Variants in ABCB7 observed in about 807,000 individuals in gnomAD.
ABCB7 encodes the protein ATP binding cassette subfamily B member 7.
ABCB7 carries 7 observed loss-of-function variants against 54.4 expected under a neutral mutation model. The observed-to-expected ratio is 0.13, with a 90% confidence interval of 0.07 to 0.24. ABCB7 has a LOEUF of 0.24. Ranked by LOEUF, ABCB7 falls within the 10% of genes least tolerant of loss-of-function variation. The pLI, the probability that ABCB7 is intolerant of heterozygous loss-of-function variation, is 1.00. For synonymous variants in ABCB7, 218 were observed against 207.1 expected (o/e 1.05, Z -0.45); for missense variants, 356 against 570.4 (o/e 0.62, Z 3.83).
At chrX:75,089,120 C>T (rs1445096446) in intron 4 of ABCB7, among the ~76,000 whole-genome samples, 1 of 110,810 alleles carries the variant, frequency 9.0e-6, no homozygotes, top group Admixed American at 9.6e-5. Flanking sequence ...AAAACATACA[C>T]TCTCTACAAA....
At chrX:75,129,592 T>C (rs2147551412) in intron 1 of ABCB7, among the ~76,000 whole-genome samples, 1 of 107,112 alleles carries the variant, frequency 9.3e-6, no homozygotes, top group South Asian at 4.1e-4. Flanking sequence ...ACTTAAAGTA[T>C]AATAAATATA....
Position 75,053,176 on chromosome X carries a change from T to G in ABCB7, c.*194A>C. On this transcript the variant is annotated 3_prime_UTR_variant, in exon 16 of 16. Coordinates refer to ENST00000373394, the MANE Select transcript of ABCB7 (RefSeq NM_001271696.3). Reference sequence around the variant, plus strand: ...CACAACCAGGACAGTGACAAGAAAATAATTTGGGGATAAATACAGATGCCA... The same window carrying G: ...CACAACCAGGACAGTGACAAGAAAAGAATTTGGGGATAAATACAGATGCCA... 1 of 584,540 alleles carries G rather than the reference T, an allele frequency of 1.7e-6. No individual in the cohort carries two copies. Among genetic ancestry groups the G allele is most frequent in the Admixed American group, 4.0e-5 (1 of 25,105 alleles). The allele number at this position is 584,540 out of a possible 1,213,427, so 48.2% of individuals were successfully genotyped here. A position where few individuals can be genotyped will look rare whatever the true frequency, so the allele number is the denominator to read the frequency against.
intron 15 of ABCB7, among the ~76,000 whole-genome samples, chrX:75,057,436 G>A (rs1196679709): frequency 9.4e-6 from 1 of 106,661 alleles, no homozygotes; most frequent in Non-Finnish European, 1.9e-5. Context: ...TGTCCAGGCT[G>A]GTCTCCACCT....
chrX:75,068,558 T>C (rs2147461022), intron 12 of ABCB7, among the ~76,000 whole-genome samples: 1 of 112,476 alleles, frequency 8.9e-6, no homozygotes, highest in Non-Finnish European at 1.9e-5. Flanking sequence ...TTATTATAAA[T>C]CTACTATGTT....
At chrX:75,055,565 A>AC (rs1255504353) in intron 15 of ABCB7, among the ~76,000 whole-genome samples, 1 of 105,048 alleles carries the variant, frequency 9.5e-6, no homozygotes, top group Non-Finnish European at 1.9e-5. Flanking sequence ...AAAAAAAAAA[A>AC]AAAAAAAAAA....
At chrX:75,108,928 T>C (rs1056477131) in intron 3 of ABCB7, among the ~76,000 whole-genome samples, 3 of 112,168 alleles carry the variant, frequency 2.7e-5, no homozygotes, top group Non-Finnish European at 3.8e-5. Context: ...CTGACAGATT[T>C]TTAAATATTT....
At chrX:75,149,283 T>C (rs1415697436) in intron 1 of ABCB7, among the ~76,000 whole-genome samples, 7 of 112,238 alleles carry the variant, frequency 6.2e-5, no homozygotes, top group Admixed American at 4.7e-4. Flanking sequence ...CAAAGAATGT[T>C]ATCCTGTAAG....
At chrX:75,132,653 T>C (rs1466006656) in intron 1 of ABCB7, among the ~76,000 whole-genome samples, 1 of 112,451 alleles carries the variant, frequency 8.9e-6, no homozygotes, top group Non-Finnish European at 1.9e-5. Context: ...ACAGAGGAAC[T>C]GCACAGCTGA....
At chrX:75,130,085 T>G (rs2081964342) in intron 1 of ABCB7, among the ~76,000 whole-genome samples, 1 of 111,868 alleles carries the variant, frequency 8.9e-6, no homozygotes. Context: ...CTGACAATAT[T>G]AGCAATGTCA....
At chrX:75,090,251 G>A (rs2081533643) in intron 4 of ABCB7, among the ~76,000 whole-genome samples, 1 of 107,760 alleles carries the variant, frequency 9.3e-6, no homozygotes, top group Admixed American at 9.9e-5. Flanking sequence ...ATGACACCCT[G>A]GGCCATAAAA....
chrX:75,094,700 T>C (rs1041651747), intron 4 of ABCB7, among the ~76,000 whole-genome samples: 1 of 109,984 alleles, frequency 9.1e-6, no homozygotes, highest in Non-Finnish European at 1.9e-5. Flanking sequence ...GCAACAAGAG[T>C]GAAACTCCAT....
At chrX:75,104,741 C>T (rs967448897) in intron 3 of ABCB7, among the ~76,000 whole-genome samples, 1 of 110,526 alleles carries the variant, frequency 9.0e-6, no homozygotes, top group African/African-American at 3.3e-5. Context: ...GGAAACAACC[C>T]AAAACAAAAC....
chrX:75,108,930 T>A (rs2081731378), intron 3 of ABCB7, among the ~76,000 whole-genome samples: 1 of 112,240 alleles, frequency 8.9e-6, no homozygotes, highest in Non-Finnish European at 1.9e-5. Flanking sequence ...GACAGATTTT[T>A]AAATATTTAC....
rs182884147 is a variant in ABCB7, at chrX:75,093,674, G to A, written c.453+5268C>T. Among the ~76,000 whole-genome samples, 9 of 108,082 alleles carry A rather than the reference G, an allele frequency of 8.3e-5. No individual in the cohort carries two copies. The East Asian group carries it at 2.4e-3, about 28-fold the overall frequency. The allele number at this position is 108,082 out of a possible 115,157, so 93.9% of individuals were successfully genotyped here. A position where few individuals can be genotyped will look rare whatever the true frequency, so the allele number is the denominator to read the frequency against. On this transcript the variant is annotated intron_variant, in intron 4 of 15. Coordinates refer to ENST00000373394, the MANE Select transcript of ABCB7 (RefSeq NM_001271696.3). Reference sequence around the variant, plus strand: ...TTAATAACAGAAGAAACTGCATTCTGGAGAAAAAAAGGGGGTATATATAAG... The same window carrying A: ...TTAATAACAGAAGAAACTGCATTCTAGAGAAAAAAAGGGGGTATATATAAG...
At chrX:75,083,118 T>A (rs947943144) in intron 4 of ABCB7, among the ~76,000 whole-genome samples, 5 of 111,157 alleles carry the variant, frequency 4.5e-5, no homozygotes, top group African/African-American at 1.3e-4. Flanking sequence ...GTAAAAAAAA[T>A]TCTTAAGTAT....
At chrX:75,141,368 T>C (rs1173639988) in intron 1 of ABCB7, among the ~76,000 whole-genome samples, 3 of 111,455 alleles carry the variant, frequency 2.7e-5, no homozygotes. Context: ...ATAAACAATG[T>C]TTTTATATTT....
chrX:75,058,286 TC>T (rs2081257403), intron 15 of ABCB7, among the ~76,000 whole-genome samples: 1 of 111,436 alleles, frequency 9.0e-6, no homozygotes, highest in African/African-American at 3.3e-5. Context: ...CTTACCAGTT[TC>T]CCCCAATTTG....
intron 4 of ABCB7, among the ~76,000 whole-genome samples, chrX:75,080,310 A>C (rs990799599): frequency 9.0e-6 from 1 of 111,502 alleles, no homozygotes; most frequent in Non-Finnish European, 1.9e-5. Context: ...GTATCATTCT[A>C]TTTTATATCT....
At position 75,096,521 on chromosome X, in the gene ABCB7, T is replaced by C. The variant is rs188859224; in HGVS notation, c.453+2421A>G. On this transcript the variant is annotated intron_variant, in intron 4 of 15. Coordinates refer to ENST00000373394, the MANE Select transcript of ABCB7 (RefSeq NM_001271696.3). ...AGGTACTGTCCCTAGTTGTCTTCTA[T>C]TTCCTTCTATTTGTGTTCTTTTCCT... Among the ~76,000 whole-genome samples, 48 of 111,755 alleles carry C rather than the reference T, an allele frequency of 4.3e-4. No homozygotes were observed. The East Asian group carries it at 0.01, about 24-fold the overall frequency.
Sources: gnomAD v4.1 joint callset for allele counts (sites outside exome capture counted in the v4.1 genomes callset) on GRCh38, gnomAD v4.1.1 for gene constraint, MANE v1.5 for transcripts, NCBI Gene and HGNC (gene_info 2026-07-23, HGNC 2026-07-21) for gene names.